Variants in CMTM8 observed in about 807,000 individuals in gnomAD.
CMTM8 encodes the protein CKLF like MARVEL transmembrane domain containing 8.
Under a neutral mutation model 18.6 loss-of-function variants are expected in CMTM8, and 12 were observed. That is an observed-to-expected ratio of 0.65 (90% CI 0.41 to 1.05). CMTM8 has a LOEUF of 1.05. Ranked by LOEUF, CMTM8 falls within the 50% of genes least tolerant of loss-of-function variation. The pLI is 0.00. For synonymous variants in CMTM8, 87 were observed against 90.6 expected, an observed-to-expected ratio of 0.96 and a Z score of 0.23; for missense variants, 217 against 227.2, an observed-to-expected ratio of 0.95 and a Z score of 0.29.
intron 1 of CMTM8, among the ~76,000 whole-genome samples, chr3:32,336,037 C>T (rs149033270): frequency 1.3e-5 from 2 of 152,366 alleles, no homozygotes; most frequent in East Asian, 3.9e-4. Context: ...GATTCTCACA[C>T]CCGCCAGCAC....
intron 1 of CMTM8, among the ~76,000 whole-genome samples, chr3:32,312,671 AT>A (rs1443509656): frequency 6.6e-6 from 1 of 152,032 alleles, no homozygotes; most frequent in Non-Finnish European, 1.5e-5. Flanking sequence ...ATCACTGGCC[AT>A]TGGTGATCAA....
chr3:32,266,090 C>A (rs1268931748), intron 1 of CMTM8, among the ~76,000 whole-genome samples: 1 of 152,150 alleles, frequency 6.6e-6, no homozygotes, highest in Non-Finnish European at 1.5e-5. Context: ...GGGAATCCTC[C>A]CTAACTCATT....
intron 1 of CMTM8, 69 bp downstream of exon 1, chr3:32,239,188 C>T (rs1467340271): frequency 1.1e-5 from 17 of 1,515,030 alleles, no homozygotes; most frequent in Admixed American, 4.0e-5. Flanking sequence ...CGCCGTGCTT[C>T]TCGGGATGGA....
intron 1 of CMTM8, among the ~76,000 whole-genome samples, chr3:32,345,757 T>C (rs1474390181): frequency 1.3e-5 from 2 of 152,188 alleles, no homozygotes; most frequent in East Asian, 3.8e-4. Flanking sequence ...TGGAAGACGG[T>C]TCTGGAGATT....
chr3:32,321,027 G>A (rs1484322355), intron 1 of CMTM8, among the ~76,000 whole-genome samples: 1 of 152,000 alleles, frequency 6.6e-6, no homozygotes, highest in Non-Finnish European at 1.5e-5. Context: ...TCCTTTTTCT[G>A]GAGTTTTCCA....
rs34213042 is a variant in CMTM8, at chr3:32,298,956, T to TATATA, written c.148-58417_148-58416insATATA. On this transcript the variant is annotated intron_variant, in intron 1 of 3. Transcript: ENST00000307526. Reference sequence around the variant, plus strand: ...ATATATATATGTATATATATATATATTTTTTTTTTTTTAGAGACAGGGGTC... The same window carrying TATATA: ...ATATATATATGTATATATATATATATATATATTTTTTTTTTTTAGAGACAGGGGTC... Among the ~76,000 whole-genome samples, 19 of 129,288 alleles carry TATATA rather than the reference T, an allele frequency of 1.5e-4. 1 individual carries two copies. Among genetic ancestry groups the TATATA allele is most frequent in the South Asian group, 4.8e-4 (2 of 4,190 alleles). 84.8% of individuals were successfully genotyped at this position (129,288 alleles called of 152,430 possible).
At chr3:32,312,100 T>C (rs1695831162) in intron 1 of CMTM8, among the ~76,000 whole-genome samples, 2 of 152,228 alleles carry the variant, frequency 1.3e-5, no homozygotes, top group African/African-American at 4.8e-5. Flanking sequence ...GTATGGGTTA[T>C]GGTATCCAGT....
In CMTM8 at chr3:32,369,944, T is replaced by C; in HGVS notation, c.499T>C (p.Trp167Arg). Residue 167 changes from tryptophan (W) to arginine (R), a missense_variant, in exon 4 of 4, where the codon TGG becomes CGG. Coordinates refer to ENST00000307526, the MANE Select transcript of CMTM8 (RefSeq NM_178868.5). ...AAATACATATTTCAGTTTTATAGCATGGAGATCCAGGACCATACAGTGATT... is the reference window on the plus strand; with the variant it reads ...AAATACATATTTCAGTTTTATAGCACGGAGATCCAGGACCATACAGTGATT... ...AGNTYFSFIAWRSRTIQ is the reference protein window; with the variant it reads ...AGNTYFSFIARRSRTIQ 1 of 1,607,076 alleles carries C rather than the reference T, an allele frequency of 6.2e-7. No homozygotes were observed. Among genetic ancestry groups the C allele is most frequent in the Non-Finnish European group, 8.5e-7 (1 of 1,174,672 alleles).
At chr3:32,276,094 A>T (rs574037336) in intron 1 of CMTM8, among the ~76,000 whole-genome samples, 1 of 152,282 alleles carries the variant, frequency 6.6e-6, no homozygotes, top group East Asian at 1.9e-4. Flanking sequence ...ATGTTGACCA[A>T]TGACGGGTAC....
chr3:32,248,657 C>A (rs909677594), intron 1 of CMTM8, among the ~76,000 whole-genome samples: 1 of 151,786 alleles, frequency 6.6e-6, no homozygotes, highest in East Asian at 2.0e-4. Context: ...AGCCACCACA[C>A]CTGGCCCATG....
At chr3:32,343,800 A>G (rs1264206694) in intron 1 of CMTM8, among the ~76,000 whole-genome samples, 1 of 152,188 alleles carries the variant, frequency 6.6e-6, no homozygotes, top group Admixed American at 6.5e-5. Flanking sequence ...CCCAGGTTCA[A>G]GTGATTCTCC....
At chr3:32,275,644 CTTTTTTTTTTT>C (rs771943263) in intron 1 of CMTM8, among the ~76,000 whole-genome samples, 1 of 78,110 alleles carries the variant, frequency 1.3e-5, no homozygotes, top group Non-Finnish European at 2.3e-5. Context: ...CATGTACTTC[CTTTTTTTTTTT>C]TTTTTTTTTT....
In CMTM8 at chr3:32,358,101, T is replaced by C. The variant is rs1476660732; in HGVS notation, c.321+555T>C. ...TCTCATCCTGGCTCTGGCACCATGC[T>C]GGATGCAGGATGGTGAACATGTGGT... On this transcript the variant is annotated intron_variant, in intron 2 of 3. Coordinates refer to ENST00000307526, the MANE Select transcript of CMTM8 (RefSeq NM_178868.5). The surrounding 1 kb of genome is among the most constrained non-coding windows in gnomAD (Gnocchi z 4.1). Among the ~76,000 whole-genome samples, 9 of 152,218 alleles carry C rather than the reference T, an allele frequency of 5.9e-5. No homozygotes were observed. Among genetic ancestry groups the C allele is most frequent in the African/African-American group, 1.7e-4 (7 of 41,458 alleles).
At chr3:32,362,046 C>CTTTTTCTTTTT (rs768641791) in intron 2 of CMTM8, among the ~76,000 whole-genome samples, 1 of 92,072 alleles carries the variant, frequency 1.1e-5, no homozygotes, top group African/African-American at 3.9e-5. Context: ...ATTTTCTTTT[C>CTTTTTCTTTTT]TTTTTTTTTT....
At chr3:32,302,232 G>A (rs1257160249) in intron 1 of CMTM8, among the ~76,000 whole-genome samples, 3 of 152,122 alleles carry the variant, frequency 2.0e-5, no homozygotes, top group Non-Finnish European at 2.9e-5. Flanking sequence ...CCAGGAATTG[G>A]AGATGCCGTG....
intron 1 of CMTM8, among the ~76,000 whole-genome samples, chr3:32,258,364 A>T (rs1702203568): frequency 6.6e-6 from 1 of 152,164 alleles, no homozygotes; most frequent in African/African-American, 2.4e-5. Flanking sequence ...AAGGATAAAG[A>T]GGTCCTAGCT....
intron 1 of CMTM8, among the ~76,000 whole-genome samples, chr3:32,275,859 A>G (rs940809322): frequency 5.9e-5 from 9 of 152,216 alleles, no homozygotes; most frequent in African/African-American, 2.2e-4. Flanking sequence ...TATGTTGGCC[A>G]GGCTGGTCTT....
chr3:32,316,256 T>C (rs1224028772), intron 1 of CMTM8, among the ~76,000 whole-genome samples: 1 of 151,956 alleles, frequency 6.6e-6, no homozygotes, highest in Non-Finnish European at 1.5e-5. Context: ...CTTGATCTCC[T>C]GACCTCGTGA....
At chr3:32,305,216 T>TG (rs1357624192) in intron 1 of CMTM8, among the ~76,000 whole-genome samples, 1 of 149,446 alleles carries the variant, frequency 6.7e-6, no homozygotes, top group Non-Finnish European at 1.5e-5. Context: ...AGGGAACATT[T>TG]GGTAATGACT....
Sources: allele counts gnomAD v4.1 joint callset (sites outside exome capture counted in the v4.1 genomes callset), GRCh38; gene constraint gnomAD v4.1.1; non-coding constraint Gnocchi (gnomAD v3.1); transcripts MANE v1.5; gene names NCBI Gene and HGNC (gene_info 2026-07-23, HGNC 2026-07-21).